MXD3: variants seen among roughly 807,000 people sequenced by gnomAD.
MXD3 encodes Max-associated protein 3.
A neutral mutation model predicts 27.5 loss-of-function variants in MXD3; 20 were observed. That is an observed-to-expected ratio of 0.73 (90% CI 0.51 to 1.06). The LOEUF (loss-of-function observed/expected upper bound fraction) is 1.06, where lower values mean the gene tolerates loss of function less well. Ranked by LOEUF, MXD3 falls within the 50% of genes least tolerant of loss-of-function variation. MXD3 has a pLI of 0.00. For missense variants in MXD3, 298 were observed against 291.3 expected, an observed-to-expected ratio of 1.02 and a Z score of -0.17; for synonymous variants, 150 against 130.7, an observed-to-expected ratio of 1.15 and a Z score of -1.01.
In MXD3 at chr5:177,307,470, C is replaced by T. The variant is rs1416829891; in HGVS notation, c.*118G>A. The T allele has an allele frequency of 1.3e-6, 2 of 1,536,014 alleles. No individual in the cohort carries two copies. The highest frequency in any genetic ancestry group is 1.2e-5 in the South Asian group (1 of 84,172). On this transcript the variant is annotated 3_prime_UTR_variant, in exon 6 of 6. Transcript: ENST00000439742. ...GGAGCACCTGTTCCCACACAAGGGT[C>T]CTTTTAGTCCATTCCAACAGGTGAC...
At position 177,310,439 on chromosome 5, in the gene MXD3, C is replaced by T. The variant is rs1420257735; in HGVS notation, c.308G>A (p.Arg103Lys). 6.2e-7 allele frequency: 1 copy of T among 1,611,742 alleles called. No individual in the cohort carries two copies. Residue 103 changes from arginine (R) to lysine (K), a missense_variant, in exon 4 of 6, where the codon AGG becomes AAG. Transcript: ENST00000439742. ...YTTLSLLRRARMHIQKLEDQE... is the reference protein window; with the variant it reads ...YTTLSLLRRAKMHIQKLEDQE... ...GGGGGGCCTCACCTGGATGTGCATC[C>T]TGGCACGGCGCAGCAGGCTCAGCGT...
chr5:177,311,348 C>G (rs996639814), intron 2 of MXD3, 31 bp downstream of exon 2: 1 of 1,374,960 alleles, frequency 7.3e-7, no homozygotes, highest in South Asian at 1.6e-5. Context: ...CCCACCCCCA[C>G]CCCCACTCCC....
At chr5:177,306,298 G>T, downstream of MXD3, 1 of 1,566,506 alleles carries the variant, frequency 6.4e-7, no homozygotes, top group Non-Finnish European at 8.8e-7. Flanking sequence ...ACTGGGGGTG[G>T]GAGGAGGGTG....
At chr5:177,310,622 A>T in intron 3 of MXD3, 46 bp downstream of exon 3, 1 of 1,613,962 alleles carries the variant, frequency 6.2e-7, no homozygotes, top group Non-Finnish European at 8.5e-7. Flanking sequence ...GCCAGAGGGC[A>T]GTGGCCCCTG....
rs374130334 is a variant in MXD3 at position 177,308,648 on chromosome 5, T to C, written c.322-684A>G. ...TCAGCCTCCTAAAGTGCTGAGATTA[T>C]AGGTGTGAGCCACCGCGCCCGGCCC... On this transcript the variant is annotated intron_variant, in intron 4 of 5. Coordinates refer to ENST00000439742, the MANE Select transcript of MXD3 (RefSeq NM_031300.4). Among the ~76,000 whole-genome samples, 34 of 152,290 alleles carry C rather than the reference T, an allele frequency of 2.2e-4. No homozygotes were observed. The East Asian group carries it at 5.0e-3, about 22-fold the overall frequency.
chr5:177,306,631 A>G (rs1424976818), downstream of MXD3: 1 of 1,549,954 alleles, frequency 6.5e-7, no homozygotes, highest in South Asian at 1.2e-5. Flanking sequence ...CCCTCCCTTC[A>G]TTGTACTTTA....
At chr5:177,310,005 G>A (rs1470293828) in intron 4 of MXD3, among the ~76,000 whole-genome samples, 1 of 152,174 alleles carries the variant, frequency 6.6e-6, no homozygotes, top group Non-Finnish European at 1.5e-5. Context: ...ATAACAGGAG[G>A]CCTTGAAGGT....
upstream of MXD3, chr5:177,311,958 G>A (rs1761050542): frequency 3.8e-6 from 5 of 1,330,844 alleles, no homozygotes; most frequent in South Asian, 1.5e-5. Flanking sequence ...GGGACGCCCC[G>A]CCCGCGGGAA....
chr5:177,306,689 T>C (rs1760887208), downstream of MXD3: 1 of 1,415,550 alleles, frequency 7.1e-7, no homozygotes. Context: ...CGTGGTGGGT[T>C]GTGGGGATGC....
upstream of MXD3, chr5:177,312,509 C>A (rs951651359): frequency 4.1e-5 from 40 of 985,306 alleles, no homozygotes; most frequent in Non-Finnish European, 4.8e-5. Context: ...GGGAGCTGGG[C>A]CTCAATGCGC....
chr5:177,310,413 T>A lies in MXD3; in HGVS notation c.321+13A>T, dbSNP rs1761006241. 6.2e-7 allele frequency: 1 copy of A among 1,604,958 alleles called. No individual in the cohort carries two copies. The highest frequency in any genetic ancestry group is 1.7e-5 in the Admixed American group (1 of 59,610). On this transcript the variant is annotated intron_variant, in intron 4 of 5. Transcript: ENST00000439742. ...CCAGGGCAAGCCAGTCCGGGCGCAG[T>A]GGGGGGCCTCACCTGGATGTGCATC...
chr5:177,306,254 A>T, downstream of MXD3: 1 of 1,565,940 alleles, frequency 6.4e-7, no homozygotes, highest in East Asian at 2.2e-5. Context: ...TGGGTTAGTC[A>T]TTGCCCTGCT....
downstream of MXD3, chr5:177,306,448 G>T: frequency 1.2e-6 from 2 of 1,614,036 alleles, no homozygotes; most frequent in Non-Finnish European, 1.7e-6. Flanking sequence ...AACACTTGTT[G>T]AGACAGCCAA....
In MXD3 at chr5:177,311,445, C is replaced by A; in HGVS notation, c.110G>T (p.Ser37Ile). 1 of 1,441,436 alleles carries A rather than the reference C, an allele frequency of 6.9e-7. No individual in the cohort carries two copies. 89.3% of individuals were successfully genotyped at this position (1,441,436 alleles called of 1,614,324 possible). The stretch of plus-strand genomic sequence containing the variant: ...CTTCCTCCTGTGGATGGGGCCTGGA[C>A]TGCGATGCGGGCACAGGGACGCATA... ...HGYASLCPHR[S>I]PGPIHRRKKR... The change falls in exon 2 of 6, where the codon AGT becomes ATT. Residue 37 changes from serine to isoleucine, a missense_variant. Transcript: ENST00000439742.
chr5:177,308,022 C>T (rs1360337955), intron 4 of MXD3, 58 bp from the exon 5 acceptor site: 3 of 1,429,094 alleles, frequency 2.1e-6, no homozygotes, highest in East Asian at 2.5e-5. Context: ...TTGGGCTGCA[C>T]CCCAGCACCA....
intron 2 of MXD3, 46 bp downstream of exon 2, chr5:177,311,333 C>T: frequency 7.9e-7 from 1 of 1,270,762 alleles, no homozygotes; most frequent in Non-Finnish European, 1.0e-6. Flanking sequence ...CGACCAGGGG[C>T]GGCGCCCACC....
chr5:177,310,483 G>A lies in MXD3; in HGVS notation c.264C>T (p.Ala88=), dbSNP rs149176900. ...TCAGCGTGGTGTACCGGGCACAGTC[G>A]GCCCCCAGGGGCATCTGCTGCTTCA... The part of the protein sequence containing the change: ...ERLKQQMPLG[A]DCARYTTLSL... Residue 88 remains alanine (A), a synonymous_variant, in exon 4 of 6, where the codon GCC becomes GCT. Transcript: ENST00000439742. 2,842 of 1,612,992 alleles carry A rather than the reference G, an allele frequency of 1.8e-3. 4 individuals carry two copies. The highest frequency in any genetic ancestry group is 2.2e-3 in the Non-Finnish European group (2,600 of 1,179,634).
At chr5:177,308,870 C>G (rs1022481326) in intron 4 of MXD3, among the ~76,000 whole-genome samples, 3 of 152,222 alleles carry the variant, frequency 2.0e-5, no homozygotes, top group Non-Finnish European at 4.4e-5. Flanking sequence ...CCCTACCTCC[C>G]GCCAAGCTCT....
At chr5:177,309,609 C>T (rs1760984744) in intron 4 of MXD3, among the ~76,000 whole-genome samples, 1 of 152,254 alleles carries the variant, frequency 6.6e-6, no homozygotes, top group Admixed American at 6.5e-5. Context: ...CTTTGTGTGC[C>T]ACAGCCCCCA....
Sources: allele counts gnomAD v4.1 joint callset (sites outside exome capture counted in the v4.1 genomes callset), GRCh38; gene constraint gnomAD v4.1.1; transcripts MANE v1.5; gene names NCBI Gene and HGNC (gene_info 2026-07-23, HGNC 2026-07-21).